The following NHSL3 variants were observed in gnomAD, a reference collection of about 807,000 sequenced individuals.
NHSL3 encodes the protein NHS like 3, also known as NHS-like protein 3.
chr1:32,772,744 G>A, the NHSL3 span: 7 of 992,756 alleles, frequency 7.1e-6, no homozygotes, highest in Admixed American at 1.8e-5. Flanking sequence ...CCAGTGCTGC[G>A]GGCACTGTCA....
chr1:32,755,541 C>T, the NHSL3 span, among the ~76,000 whole-genome samples: 2 of 152,142 alleles, frequency 1.3e-5, no homozygotes, highest in Non-Finnish European at 2.9e-5. Flanking sequence ...GTCTGGACCA[C>T]TCTGGCTCCT....
the NHSL3 span, among the ~76,000 whole-genome samples, chr1:32,764,346 T>C: frequency 3.1e-4 from 47 of 152,326 alleles, no homozygotes; most frequent in Admixed American, 2.1e-3. Context: ...TTCCAGGCAC[T>C]GATTTAGCCT....
the NHSL3 span, chr1:32,771,976 G>T: frequency 6.2e-7 from 1 of 1,606,442 alleles, no homozygotes; most frequent in Non-Finnish European, 8.5e-7. Flanking sequence ...GCTCCATGCT[G>T]CGGTCCGACT....
the NHSL3 span, among the ~76,000 whole-genome samples, chr1:32,760,817 C>T: frequency 6.6e-6 from 1 of 152,146 alleles, no homozygotes; most frequent in East Asian, 1.9e-4. Flanking sequence ...TCTTGAACTC[C>T]TGACCTCGCG....
the NHSL3 span, among the ~76,000 whole-genome samples, chr1:32,765,292 G>A: frequency 1.6e-5 from 2 of 127,480 alleles, no homozygotes; most frequent in East Asian, 5.2e-4. Context: ...CCTGGCTGCT[G>A]CAGGCTCCGA....
At chr1:32,758,878 G>A in the NHSL3 span, among the ~76,000 whole-genome samples, 1 of 152,154 alleles carries the variant, frequency 6.6e-6, no homozygotes, top group African/African-American at 2.4e-5. Context: ...GTCTGGGCCT[G>A]GAATTCCCTT....
chr1:32,758,199 A>G, the NHSL3 span, among the ~76,000 whole-genome samples: 1 of 152,110 alleles, frequency 6.6e-6, no homozygotes, highest in East Asian at 1.9e-4. Flanking sequence ...CTAGCTGAGC[A>G]CTCGGTCCTG....
At chr1:32,763,694 C>T in the NHSL3 span, among the ~76,000 whole-genome samples, 2 of 152,172 alleles carry the variant, frequency 1.3e-5, no homozygotes, top group Non-Finnish European at 2.9e-5. Flanking sequence ...GCCTCAGCCT[C>T]CCGAGTAGCT....
chr1:32,749,008 G>C, the NHSL3 span, among the ~76,000 whole-genome samples: 2 of 152,164 alleles, frequency 1.3e-5, no homozygotes, highest in Non-Finnish European at 2.9e-5. Flanking sequence ...TCCTCGGGAT[G>C]AATAAGAGAG....
At chr1:32,744,957 C>T in the NHSL3 span, among the ~76,000 whole-genome samples, 1 of 151,696 alleles carries the variant, frequency 6.6e-6, no homozygotes, top group African/African-American at 2.4e-5. Context: ...GAAACCCCGT[C>T]TCTACTAAAA....
At chr1:32,754,463 T>A in the NHSL3 span, among the ~76,000 whole-genome samples, 3 of 125,368 alleles carry the variant, frequency 2.4e-5, no homozygotes, top group Non-Finnish European at 3.5e-5. Context: ...ACACCCACAC[T>A]CTCGTACCAT....
chr1:32,772,332 C>T, the NHSL3 span: 1 of 1,610,694 alleles, frequency 6.2e-7, no homozygotes, highest in Non-Finnish European at 8.5e-7. Flanking sequence ...CTGCTCCTCC[C>T]ACCAATGGGC....
At chr1:32,772,207 C>T in the NHSL3 span, 13 of 1,611,208 alleles carry the variant, frequency 8.1e-6, no homozygotes, top group East Asian at 8.9e-5. Context: ...CTCAGAGCAG[C>T]GGCCACCCCA....
the NHSL3 span, among the ~76,000 whole-genome samples, chr1:32,749,734 C>A: frequency 6.6e-6 from 1 of 152,118 alleles, no homozygotes. Flanking sequence ...TCAACACCTT[C>A]AGGGGCTCCT....
At chr1:32,742,021 C>T in the NHSL3 span, 10 of 1,241,576 alleles carry the variant, frequency 8.1e-6, no homozygotes, top group Non-Finnish European at 1.0e-5. Context: ...CGGCCCCCCG[C>T]GCAGGAAGAA....
chr1:32,759,729 T>TC, the NHSL3 span, among the ~76,000 whole-genome samples: 1 of 152,076 alleles, frequency 6.6e-6, no homozygotes, highest in Admixed American at 6.5e-5. Context: ...GTCGTGCCCC[T>TC]CCCCCAACTG....
the NHSL3 span, chr1:32,742,329 T>A: frequency 5.9e-6 from 5 of 846,252 alleles, no homozygotes; most frequent in Non-Finnish European, 7.8e-6. Flanking sequence ...AGGCCAGGGC[T>A]GAGTCCGAAC....
chr1:32,771,137 C>T, the NHSL3 span: 1 of 1,612,790 alleles, frequency 6.2e-7, no homozygotes, highest in African/African-American at 1.3e-5. Context: ...ATATTGACCC[C>T]CCTGGGTGAC....
At chr1:32,758,785 G>A in the NHSL3 span, among the ~76,000 whole-genome samples, 1 of 151,984 alleles carries the variant, frequency 6.6e-6, no homozygotes, top group African/African-American at 2.4e-5. Context: ...GAAAAGCACA[G>A]TACCTGGCTC....
Sources: gnomAD v4.1 joint callset for allele counts (sites outside exome capture counted in the v4.1 genomes callset) on GRCh38, gnomAD v4.1.1 for gene constraint, MANE v1.5 for transcripts, NCBI Gene and HGNC (gene_info 2026-07-23, HGNC 2026-07-21) for gene names.